FBXL7: variants seen among roughly 807,000 people sequenced by gnomAD.
The protein encoded by FBXL7 is F-box and leucine rich repeat protein 7, also known as F-box/LRR-repeat protein 7.
A neutral mutation model predicts 38.3 loss-of-function variants in FBXL7; 12 were observed. The observed-to-expected ratio is 0.31, with a 90% CI of 0.20 to 0.51. The LOEUF (loss-of-function observed/expected upper bound fraction) is 0.51. Among genes scored for constraint, FBXL7 ranks in the 20% least tolerant of loss-of-function variants. The pLI is 0.98. For missense variants in FBXL7, 567 were observed against 676.4 expected (o/e 0.84, Z 1.79); for synonymous variants, 297 against 300.9 (o/e 0.99, Z 0.13).
chr5:15,781,110 C>T (rs561196280), intron 2 of FBXL7, among the ~76,000 whole-genome samples: 36 of 152,168 alleles, frequency 2.4e-4, no homozygotes, highest in Admixed American at 1.5e-3. Context: ...ACAATGGTCC[C>T]GTTTGAGGAA....
intron 2 of FBXL7, among the ~76,000 whole-genome samples, chr5:15,900,291 A>G (rs1284892266): frequency 6.6e-6 from 1 of 152,186 alleles, no homozygotes; most frequent in Non-Finnish European, 1.5e-5. Context: ...CATCCTCACC[A>G]CATTCCTCAA....
rs547645878 is a variant in FBXL7 at position 15,566,877 on chromosome 5, A to G, written c.38-49106A>G. Among the ~76,000 whole-genome samples, 14 of 152,222 alleles carry G rather than the reference A, an allele frequency of 9.2e-5. No individual in the cohort carries two copies. In the South Asian group the frequency reaches 2.5e-3, roughly 27 times the overall value. On this transcript the variant is annotated intron_variant, in intron 1 of 3. Transcript: ENST00000504595. Reference sequence around the variant, plus strand: ...AATCACTTTTGAAATAAAATGTTGCATTTGTACCTGTAGAAAGATTGTCAG... The same window carrying G: ...AATCACTTTTGAAATAAAATGTTGCGTTTGTACCTGTAGAAAGATTGTCAG...
intron 1 of FBXL7, among the ~76,000 whole-genome samples, chr5:15,563,859 G>A (rs1738484567): frequency 6.6e-6 from 1 of 151,974 alleles, no homozygotes; most frequent in Non-Finnish European, 1.5e-5. Flanking sequence ...AAATACTGTT[G>A]AAATATGTCA....
chr5:15,631,129 C>T (rs1439454245), intron 2 of FBXL7, among the ~76,000 whole-genome samples: 1 of 152,150 alleles, frequency 6.6e-6, no homozygotes. Context: ...CTATTGAAAT[C>T]CCAACAGGGT....
chr5:15,752,327 T>TG (rs1448134698), intron 2 of FBXL7, among the ~76,000 whole-genome samples: 2 of 88,128 alleles, frequency 2.3e-5, no homozygotes, highest in Non-Finnish European at 5.8e-5. Context: ...ATTCAAATCT[T>TG]GGGGGAAAAA....
chr5:15,762,407 T>G (rs1736472886), intron 2 of FBXL7, among the ~76,000 whole-genome samples: 1 of 152,042 alleles, frequency 6.6e-6, no homozygotes, highest in Admixed American at 6.6e-5. Context: ...GGGAGCAGGA[T>G]GAAGGGATCA....
At chr5:15,668,941 GGAC>G (rs1184017288) in intron 2 of FBXL7, among the ~76,000 whole-genome samples, 2 of 152,138 alleles carry the variant, frequency 1.3e-5, no homozygotes, top group East Asian at 3.9e-4. Flanking sequence ...CTCTATCTGA[GGAC>G]TGTTACCATG....
chr5:15,679,576 T>C (rs549231553), intron 2 of FBXL7, among the ~76,000 whole-genome samples: 163 of 115,430 alleles, frequency 1.4e-3, no homozygotes, highest in South Asian at 2.5e-3. Flanking sequence ...TTTTTTTTTT[T>C]TCAGAATGGT....
chr5:15,900,324 C>T (rs1042808529), intron 2 of FBXL7, among the ~76,000 whole-genome samples: 1 of 152,128 alleles, frequency 6.6e-6, no homozygotes, highest in Non-Finnish European at 1.5e-5. Context: ...TCTTTTCTCA[C>T]ACGATGGCCT....
intron 1 of FBXL7, among the ~76,000 whole-genome samples, chr5:15,540,066 G>C (rs1349910047): frequency 6.6e-6 from 1 of 152,144 alleles, no homozygotes; most frequent in Non-Finnish European, 1.5e-5. Flanking sequence ...GTTTTGGGGT[G>C]ATGCAAATCC....
intron 1 of FBXL7, among the ~76,000 whole-genome samples, chr5:15,557,815 T>G (rs1738293225): frequency 6.6e-6 from 1 of 152,218 alleles, no homozygotes; most frequent in Non-Finnish European, 1.5e-5. Context: ...ACTGGAGTCC[T>G]CCTCAGTTCT....
At position 15,938,980 on chromosome 5, in the gene FBXL7, C is replaced by T; in HGVS notation, c.*1794C>T. On this transcript the variant is annotated 3_prime_UTR_variant, in exon 4 of 4. Coordinates refer to ENST00000504595, the MANE Select transcript of FBXL7 (RefSeq NM_012304.5). ...TTATCCAAATGCAGAACCTCTGCATCTCCAAGCCAGTTATGCTGAATTTGT... is the reference window on the plus strand; with the variant it reads ...TTATCCAAATGCAGAACCTCTGCATTTCCAAGCCAGTTATGCTGAATTTGT... 1 of 399,074 alleles carries T rather than the reference C, an allele frequency of 2.5e-6. No homozygotes were observed. The highest frequency in any genetic ancestry group is 4.4e-6 in the Non-Finnish European group (1 of 226,074). 24.7% of individuals were successfully genotyped at this position (399,074 alleles called of 1,614,324 possible).
chr5:15,635,498 A>G (rs1254578793), intron 2 of FBXL7, among the ~76,000 whole-genome samples: 1 of 152,124 alleles, frequency 6.6e-6, no homozygotes, highest in Admixed American at 6.5e-5. Flanking sequence ...TTTCAGGGAG[A>G]GGGAATTGAT....
chr5:15,659,078 A>G (rs1741976328), intron 2 of FBXL7, among the ~76,000 whole-genome samples: 1 of 151,884 alleles, frequency 6.6e-6, no homozygotes, highest in Non-Finnish European at 1.5e-5. Flanking sequence ...AATCAGTTAA[A>G]CCTCTTTCCT....
chr5:15,810,739 C>T (rs547833654), intron 2 of FBXL7, among the ~76,000 whole-genome samples: 2 of 152,104 alleles, frequency 1.3e-5, no homozygotes, highest in African/African-American at 4.8e-5. Context: ...ATAATACTTA[C>T]CAAAACTGAA....
intron 2 of FBXL7, among the ~76,000 whole-genome samples, chr5:15,855,362 T>C (rs1225607406): frequency 6.6e-6 from 1 of 152,134 alleles, no homozygotes; most frequent in Non-Finnish European, 1.5e-5. Context: ...TATATATATA[T>C]AGAAATAACT....
intron 1 of FBXL7, among the ~76,000 whole-genome samples, chr5:15,571,769 CT>C (rs916452378): frequency 3.3e-5 from 5 of 152,032 alleles, no homozygotes; most frequent in Non-Finnish European, 7.4e-5. Context: ...GGACATGTGC[CT>C]TCTCCATGGT....
At position 15,670,825 on chromosome 5, in the gene FBXL7, A is replaced by T. The variant is rs887837398; in HGVS notation, c.127+54753A>T. Among the ~76,000 whole-genome samples, 3 of 151,876 alleles carry T rather than the reference A, an allele frequency of 2.0e-5. No homozygotes were observed. The East Asian group carries it at 5.8e-4, about 29-fold the overall frequency. On this transcript the variant is annotated intron_variant, in intron 2 of 3. Transcript: ENST00000504595. ...CAAAAAAAATAAAAATAAAAATAAA[A>T]AAAAAATAAATAAAAAGTTAGTGGA...
chr5:15,789,590 G>A (rs1737221333), intron 2 of FBXL7, among the ~76,000 whole-genome samples: 1 of 152,174 alleles, frequency 6.6e-6, no homozygotes, highest in African/African-American at 2.4e-5. Context: ...GTGAACTCCT[G>A]ACTCTACCTT....
Sources: allele counts gnomAD v4.1 joint callset (sites outside exome capture counted in the v4.1 genomes callset), GRCh38; gene constraint gnomAD v4.1.1; transcripts MANE v1.5; gene names NCBI Gene and HGNC (gene_info 2026-07-23, HGNC 2026-07-21).